TBCD: variants seen among roughly 807,000 people sequenced by gnomAD.
TBCD encodes the protein tubulin folding cofactor D, also known as tubulin-specific chaperone D.
TBCD carries 105 observed loss-of-function variants against 169.3 expected under a neutral mutation model. The ratio of observed to expected loss-of-function variants is 0.62; its 90% confidence interval spans 0.53 to 0.73. TBCD has a LOEUF of 0.73. Among genes scored for constraint, TBCD ranks in the 30% least tolerant of loss-of-function variants. The pLI is 0.00. For synonymous variants in TBCD, 700 were observed against 643.9 expected, an observed-to-expected ratio of 1.09 and a Z score of -1.32; for missense variants, 1,444 against 1,600.1, an observed-to-expected ratio of 0.90 and a Z score of 1.66.
chr17:82,887,168 T>TGTGTGTGTGTGTGTGTGTGCGC, intron 15 of TBCD, among the ~76,000 whole-genome samples: 4 of 126,100 alleles, frequency 3.2e-5, no homozygotes, highest in African/African-American at 1.0e-4. Context: ...TGTGTGTGTG[T>TGTGTGTGTGTGTGTGTGTGCGC]GCGCGCGCGC....
At chr17:82,929,856 C>A in intron 32 of TBCD, 1 of 416,434 alleles carries the variant, frequency 2.4e-6, no homozygotes, top group Non-Finnish European at 4.5e-6. Flanking sequence ...CCTCCGCCCT[C>A]CACTTTCAGG....
At chr17:82,842,202 A>C (rs1211291897) in intron 13 of TBCD, among the ~76,000 whole-genome samples, 1 of 152,178 alleles carries the variant, frequency 6.6e-6, no homozygotes, top group Non-Finnish European at 1.5e-5. Context: ...CTTGCCATGG[A>C]GGGTCCAGTG....
intron 7 of TBCD, among the ~76,000 whole-genome samples, chr17:82,796,913 T>G (rs1281240249): frequency 2.6e-5 from 4 of 152,212 alleles, no homozygotes; most frequent in Non-Finnish European, 4.4e-5. Context: ...TGCTTCTTCA[T>G]TTTTCCGTGT....
chr17:82,888,258 CG>C (rs2058890343), intron 15 of TBCD, among the ~76,000 whole-genome samples: 1 of 152,224 alleles, frequency 6.6e-6, no homozygotes. Flanking sequence ...CACTGTGTGA[CG>C]GGCTGTGCTG....
intron 14 of TBCD, among the ~76,000 whole-genome samples, chr17:82,870,766 G>A (rs111628571): frequency 1.0e-4 from 16 of 152,390 alleles, no homozygotes; most frequent in African/African-American, 3.4e-4. Context: ...CACGGGAATC[G>A]CCTGTGCGTG....
In TBCD at chr17:82,884,093, C is replaced by T. The variant is rs376574496; in HGVS notation, c.1476-52C>T. 4 of 1,517,320 alleles carry T rather than the reference C, an allele frequency of 2.6e-6. No individual in the cohort carries two copies. Among genetic ancestry groups the T allele is most frequent in the East Asian group, 2.4e-5 (1 of 42,048 alleles). 94.0% of individuals were successfully genotyped at this position (1,517,320 alleles called of 1,614,324 possible). ...GGCTTTCTCATCGATACTGTGTGGT[C>T]TGTACTGTTTTGCAGAATTTCTTTT... is the stretch of plus-strand genomic sequence containing the variant. On this transcript the variant is annotated intron_variant, in intron 14 of 38. Transcript: ENST00000355528. This position sits in a 1 kb window ranked among gnomAD's most constrained non-coding sequence, Gnocchi z 4.2.
chr17:82,759,200 T>G (rs1001410601), intron 2 of TBCD, among the ~76,000 whole-genome samples: 7 of 151,996 alleles, frequency 4.6e-5, no homozygotes, highest in Non-Finnish European at 8.8e-5. Context: ...CTTTTTTTTT[T>G]GGCCAGGCGC....
At chr17:82,867,253 C>A (rs902167728) in intron 13 of TBCD, among the ~76,000 whole-genome samples, 10 of 152,190 alleles carry the variant, frequency 6.6e-5, no homozygotes, top group African/African-American at 1.9e-4. Context: ...ATGCGTTGGG[C>A]GTGCAGGAGG....
Position 82,806,127 on chromosome 17 carries a change from T to TC in TBCD, c.1087+120dup. 7.1e-7 allele frequency: 1 copy of TC among 1,410,498 alleles called. No individual in the cohort carries two copies. The highest frequency in any genetic ancestry group is 9.6e-7 in the Non-Finnish European group (1 of 1,044,056). The allele number at this position is 1,410,498 out of a possible 1,614,324, so 87.4% of individuals were successfully genotyped here. A position where few individuals can be genotyped will look rare whatever the true frequency, so the allele number is the denominator to read the frequency against. ...GGTGCCGGCACTGTCTGGCCACCCG[T>TC]CCCCTTCGCTGAGTGCACGGTCACT... On this transcript the variant is annotated intron_variant, in intron 10 of 38. Transcript: ENST00000355528. The surrounding 1 kb of genome is among the most constrained non-coding windows in gnomAD (Gnocchi z 5.1).
chr17:82,837,008 T>C (rs1216734324), intron 13 of TBCD, among the ~76,000 whole-genome samples: 2 of 152,188 alleles, frequency 1.3e-5, no homozygotes, highest in African/African-American at 2.4e-5. Context: ...GCAGTGGTTT[T>C]AGTAACCTTG....
intron 2 of TBCD, among the ~76,000 whole-genome samples, chr17:82,756,714 G>A (rs1343920714): frequency 1.3e-5 from 2 of 152,162 alleles, no homozygotes; most frequent in Non-Finnish European, 2.9e-5. Context: ...TCCTGACCTC[G>A]TGATCCGCCT....
In TBCD at chr17:82,777,490, T is replaced by C. The variant is rs1380631154; in HGVS notation, c.639-4099T>C. 2.6e-5 allele frequency among the ~76,000 whole-genome samples: 4 copies of C among 152,194 alleles called. No individual in the cohort carries two copies. The East Asian group carries it at 5.8e-4, about 22-fold the overall frequency. On this transcript the variant is annotated intron_variant, in intron 6 of 38. Transcript: ENST00000355528. The stretch of plus-strand genomic sequence containing the variant: ...TATTGGATACAAGACAAAGGGGCAG[T>C]GTAAGGAATGTGAGCCATCTCCAAC...
At chr17:82,844,095 CT>C (rs1205916552) in intron 13 of TBCD, among the ~76,000 whole-genome samples, 1 of 151,958 alleles carries the variant, frequency 6.6e-6, no homozygotes, top group Non-Finnish European at 1.5e-5. Context: ...CTGAGTGTTC[CT>C]TTTGTAGCAT....
At chr17:82,772,957 T>A (rs1393681543) in intron 6 of TBCD, among the ~76,000 whole-genome samples, 1 of 152,186 alleles carries the variant, frequency 6.6e-6, no homozygotes, top group Non-Finnish European at 1.5e-5. Flanking sequence ...GAAGGTGGTT[T>A]TCTCTGCTGA....
In TBCD at chr17:82,804,173, GC is replaced by G. The variant is rs774405655; in HGVS notation, c.951-1701del. ...TGTGGGGTGTTGGGGAAGAGTGGGG[GC>G]TGGGGTGTGCCTGCTCGTGGGGCAT... On this transcript the variant is annotated intron_variant, in intron 9 of 38. Coordinates refer to ENST00000355528, the MANE Select transcript of TBCD (RefSeq NM_005993.5). Among the ~76,000 whole-genome samples, 6 of 151,848 alleles carry G rather than the reference GC, an allele frequency of 4.0e-5. No individual in the cohort carries two copies. In the East Asian group the frequency reaches 1.2e-3, roughly 29 times the overall value.
rs1491068419 is a variant in TBCD at position 82,887,179 on chromosome 17, GCA to G, written c.1534-2487_1534-2486del. ...TGTGTGTGTGTGTGTGCGCGCGCGCGCACGTGCGCTCACGCGTTTACTTCTGT... is the reference window on the plus strand; with the variant it reads ...TGTGTGTGTGTGTGTGCGCGCGCGCGCGTGCGCTCACGCGTTTACTTCTGT... On this transcript the variant is annotated intron_variant, in intron 15 of 38. Transcript: ENST00000355528. Among the ~76,000 whole-genome samples, 166 of 76,948 alleles carry G rather than the reference GCA, an allele frequency of 2.2e-3. 1 individual carries two copies. The highest frequency in any genetic ancestry group is 8.9e-3 in the African/African-American group (100 of 11,256). The allele number at this position is 76,948 out of a possible 152,430, so 50.5% of individuals were successfully genotyped here. A position where few individuals can be genotyped will look rare whatever the true frequency, so the allele number is the denominator to read the frequency against.
chr17:82,899,365 T>TCCTCAGCGCGTCCTCAGCGCAC, intron 17 of TBCD, among the ~76,000 whole-genome samples: 1 of 151,586 alleles, frequency 6.6e-6, no homozygotes, highest in Non-Finnish European at 1.5e-5. Context: ...CCGCAGTGCG[T>TCCTCAGCGCGTCCTCAGCGCAC]CCTCAGCGCA....
chr17:82,908,916 C>G (rs950715928), intron 21 of TBCD, among the ~76,000 whole-genome samples: 3 of 152,230 alleles, frequency 2.0e-5, no homozygotes, highest in African/African-American at 7.2e-5. Context: ...TTTAAGCTCT[C>G]TTACAAAAAA....
At chr17:82,797,418 CTGAGA>C (rs1315615934) in intron 7 of TBCD, among the ~76,000 whole-genome samples, 2 of 152,190 alleles carry the variant, frequency 1.3e-5, no homozygotes, top group African/African-American at 4.8e-5. Context: ...TAAAAACCTA[CTGAGA>C]TATCTTCTTT....
Sources: allele counts gnomAD v4.1 joint callset (sites outside exome capture counted in the v4.1 genomes callset), GRCh38; gene constraint gnomAD v4.1.1; non-coding constraint Gnocchi (gnomAD v3.1); transcripts MANE v1.5; gene names NCBI Gene and HGNC (gene_info 2026-07-23, HGNC 2026-07-21).